DEF8: variants seen among roughly 807,000 people sequenced by gnomAD.
DEF8 encodes DEF-8.
DEF8 carries 38 observed loss-of-function variants against 59.1 expected under a neutral mutation model. That is an observed-to-expected ratio of 0.64 (90% CI 0.50 to 0.84). The LOEUF is 0.84. Among genes scored for constraint, DEF8 ranks in the 40% least tolerant of loss-of-function variants. DEF8 has a pLI of 0.00. For missense variants in DEF8, 557 were observed against 615.2 expected, an observed-to-expected ratio of 0.91 and a Z score of 1.00; for synonymous variants, 265 against 250.1, an observed-to-expected ratio of 1.06 and a Z score of -0.56.
rs201727793 is a variant in DEF8 at position 89,964,595 on chromosome 16, C to T, written c.1253+20C>T. 1.7e-4 allele frequency: 256 copies of T among 1,536,042 alleles called. 3 individuals carry two copies. The East Asian group carries it at 1.9e-3, about 11-fold the overall frequency. ...CCACAGGTGGGTGTGGCCTGGGCCC[C>T]GCACTCGGGGGCTGGGGCTCTGCGC... On this transcript the variant is annotated intron_variant, in intron 12 of 12. Coordinates refer to ENST00000563594, the MANE Select transcript of DEF8 (RefSeq NM_001242818.2).
chr16:89,953,448 C>T (rs2032558633), intron 2 of DEF8, among the ~76,000 whole-genome samples: 1 of 152,102 alleles, frequency 6.6e-6, no homozygotes, highest in Admixed American at 6.5e-5. Context: ...AAGAGCAATT[C>T]TTGATCCTGA....
rs1473113492 is a variant in DEF8, at chr16:89,957,676, C to A, written c.372+16C>A. ...GGAGCTGAAGGTGGGTGTGGGGCCG[C>A]CCCGCCGTGGGGCAGCCTGGGGCCG... On this transcript the variant is annotated intron_variant, in intron 5 of 12. Coordinates refer to ENST00000563594, the MANE Select transcript of DEF8 (RefSeq NM_001242818.2). 1 of 1,536,144 alleles carries A rather than the reference C, an allele frequency of 6.5e-7. No homozygotes were observed. Among genetic ancestry groups the A allele is most frequent in the African/African-American group, 1.4e-5 (1 of 73,184 alleles).
At chr16:89,952,237 G>C (rs555634900) in intron 2 of DEF8, among the ~76,000 whole-genome samples, 1 of 152,188 alleles carries the variant, frequency 6.6e-6, no homozygotes, top group Non-Finnish European at 1.5e-5. Context: ...GCCGGATGCC[G>C]TCCTCCTGCC....
At position 89,966,393 on chromosome 16, in the gene DEF8, G is replaced by C. The variant is rs1182008096; in HGVS notation, c.*430G>C. The C allele has an allele frequency of 1.3e-5, 2 of 158,184 alleles. No homozygotes were observed. Among genetic ancestry groups the C allele is most frequent in the African/African-American group, 4.8e-5 (2 of 41,592 alleles). The allele number at this position is 158,184 out of a possible 1,614,324, so 9.8% of individuals were successfully genotyped here. A position where few individuals can be genotyped will look rare whatever the true frequency, so the allele number is the denominator to read the frequency against. On this transcript the variant is annotated 3_prime_UTR_variant, in exon 13 of 13. Coordinates refer to ENST00000563594, the MANE Select transcript of DEF8 (RefSeq NM_001242818.2). ...ACAGAGCTTCAGAGGAGTGTTGAGTGACACCTGAGGATGCGGCTGCACACA... is the reference window on the plus strand; with the variant it reads ...ACAGAGCTTCAGAGGAGTGTTGAGTCACACCTGAGGATGCGGCTGCACACA...
At chr16:89,961,918 T>G (rs914941926) in intron 8 of DEF8, 54 bp downstream of exon 8, 40 of 1,598,186 alleles carry the variant, frequency 2.5e-5, no homozygotes, top group Non-Finnish European at 3.2e-5. Context: ...AGGAAGGGGG[T>G]TGGGGTGTGG....
Position 89,967,728 on chromosome 16 carries a change from CTG to C in DEF8, c.*1769_*1770del, listed in dbSNP as rs1597548190. The C allele has an allele frequency of 2.8e-6, 1 of 363,568 alleles. No homozygotes were observed. Among genetic ancestry groups the C allele is most frequent in the African/African-American group, 2.1e-5 (1 of 47,894 alleles). 22.5% of individuals were successfully genotyped at this position (363,568 alleles called of 1,614,324 possible). A position where few individuals can be genotyped will look rare whatever the true frequency, so the allele number is the denominator to read the frequency against. On this transcript the variant is annotated 3_prime_UTR_variant, in exon 13 of 13. Coordinates refer to ENST00000563594, the MANE Select transcript of DEF8 (RefSeq NM_001242818.2). ...ATATGGATATTAGCCATTCCGAAAT[CTG>C]TGTAATCAACTTCACATTATTCAAG...
rs1282513918 is a variant in DEF8 at position 89,957,760 on chromosome 16, G to A, written c.372+100G>A. On this transcript the variant is annotated intron_variant, in intron 5 of 12. Transcript: ENST00000563594. Reference sequence around the variant, plus strand: ...AGCCTCTGGCTCTCTCTCAGGCGGTGGTCTCTCTCTCGGCCTCAGGGGCTG... The same window carrying A: ...AGCCTCTGGCTCTCTCTCAGGCGGTAGTCTCTCTCTCGGCCTCAGGGGCTG... 22 of 1,390,626 alleles carry A rather than the reference G, an allele frequency of 1.6e-5. No homozygotes were observed. In the East Asian group the frequency reaches 4.8e-4, roughly 31 times the overall value. 86.1% of individuals were successfully genotyped at this position (1,390,626 alleles called of 1,614,324 possible).
chr16:89,965,740 C>G, intron 12 of DEF8, 121 bp from the exon 13 acceptor site: 1 of 636,964 alleles, frequency 1.6e-6, no homozygotes. Flanking sequence ...TGGCTGCAGA[C>G]TCCGACTCTG....
At chr16:89,960,675 T>C (rs1290354522) in intron 6 of DEF8, among the ~76,000 whole-genome samples, 1 of 151,834 alleles carries the variant, frequency 6.6e-6, no homozygotes, top group Admixed American at 6.6e-5. Context: ...TTGGGTCTGG[T>C]GGTGGGAGTG....
At chr16:89,949,751 G>T in intron 2 of DEF8, 2 of 1,033,702 alleles carry the variant, frequency 1.9e-6, no homozygotes, top group Non-Finnish European at 2.8e-6. Flanking sequence ...CCTCCCCGAT[G>T]AGAGCAGTGG....
intron 3 of DEF8, 72 bp from the exon 4 acceptor site, chr16:89,955,097 C>T (rs973118010): frequency 8.1e-7 from 1 of 1,232,418 alleles, no homozygotes; most frequent in African/African-American, 1.5e-5. Context: ...CTGGCTATCT[C>T]AGCTCCTCCC....
chr16:89,955,629 G>A (rs571739065), intron 4 of DEF8, among the ~76,000 whole-genome samples: 1 of 152,310 alleles, frequency 6.6e-6, no homozygotes, highest in African/African-American at 2.4e-5. Flanking sequence ...TACACTTGCC[G>A]AGAGTCAGGG....
At chr16:89,950,321 C>T (rs924670531) in intron 2 of DEF8, 91 of 985,374 alleles carry the variant, frequency 9.2e-5, no homozygotes, top group Admixed American at 1.8e-4. Context: ...TTCCATCCAC[C>T]CCAGAAAGTA....
intron 4 of DEF8, chr16:89,957,252 G>T: frequency 2.9e-6 from 1 of 348,962 alleles, no homozygotes; most frequent in Non-Finnish European, 5.2e-6. Context: ...GTTGTCTTTT[G>T]AAAAGCAACT....
At chr16:89,958,967 T>C in intron 5 of DEF8, 47 bp from the exon 6 acceptor site, 4 of 1,597,972 alleles carry the variant, frequency 2.5e-6, no homozygotes, top group South Asian at 1.1e-5. Flanking sequence ...GGAAAGGAAC[T>C]TCAGCCCAGC....
chr16:89,963,534 C>A, intron 10 of DEF8, 91 bp downstream of exon 10: 1 of 1,065,298 alleles, frequency 9.4e-7, no homozygotes, highest in Non-Finnish European at 1.4e-6. Flanking sequence ...ACAGCTTGTG[C>A]GTGGAGTGCC....
At position 89,963,797 on chromosome 16, in the gene DEF8, C is replaced by T. The variant is rs868123752; in HGVS notation, c.1002+354C>T. Reference sequence around the variant, plus strand: ...ACAGTGAACGAAACAGACAGGAATGCTTGCCCTTAGTGCCTTTCAAGTAGG... The same window carrying T: ...ACAGTGAACGAAACAGACAGGAATGTTTGCCCTTAGTGCCTTTCAAGTAGG... On this transcript the variant is annotated intron_variant, in intron 10 of 12. Coordinates refer to ENST00000563594, the MANE Select transcript of DEF8 (RefSeq NM_001242818.2). 42 of 487,900 alleles carry T rather than the reference C, an allele frequency of 8.6e-5. No individual in the cohort carries two copies. The Middle Eastern group carries it at 1.0e-3, about 12-fold the overall frequency. The allele number at this position is 487,900 out of a possible 1,614,324, so 30.2% of individuals were successfully genotyped here.
intron 10 of DEF8, 125 bp downstream of exon 10, chr16:89,963,568 C>A (rs970178946): frequency 4.3e-6 from 3 of 702,320 alleles, no homozygotes; most frequent in Non-Finnish European, 7.1e-6. Flanking sequence ...CGCCTCACCA[C>A]GGTCCCAAGG....
At chr16:89,951,486 C>T (rs1439624122) in intron 2 of DEF8, among the ~76,000 whole-genome samples, 1 of 152,184 alleles carries the variant, frequency 6.6e-6, no homozygotes, top group African/African-American at 2.4e-5. Flanking sequence ...CTCAGGTGAT[C>T]AGCCCACTTC....
Sources: gnomAD v4.1 joint callset for allele counts (sites outside exome capture counted in the v4.1 genomes callset) on GRCh38, gnomAD v4.1.1 for gene constraint, MANE v1.5 for transcripts, NCBI Gene and HGNC (gene_info 2026-07-23, HGNC 2026-07-21) for gene names.